The following GRIK2 variants were observed in gnomAD, a reference collection of about 807,000 sequenced individuals.
GRIK2 encodes glutamate ionotropic receptor kainate type subunit 2.
GRIK2 carries 32 observed loss-of-function variants against 100.3 expected under a neutral mutation model. The observed-to-expected ratio is 0.32, with a 90% confidence interval of 0.24 to 0.43. The LOEUF (loss-of-function observed/expected upper bound fraction) is 0.43, where lower values mean the gene tolerates loss of function less well. Ranked by LOEUF, GRIK2 falls within the 20% of genes least tolerant of loss-of-function variation. GRIK2 has a pLI of 1.00. For missense variants in GRIK2, 843 were observed against 1,114.9 expected (o/e 0.76, Z 3.47); for synonymous variants, 417 against 389.4 (o/e 1.07, Z -0.83).
chr6:101,798,876 C>T (rs1380375229), intron 7 of GRIK2, among the ~76,000 whole-genome samples: 1 of 152,104 alleles, frequency 6.6e-6, no homozygotes, highest in Non-Finnish European at 1.5e-5. Flanking sequence ...TTTTTATCAT[C>T]AACCTCCAAA....
intron 12 of GRIK2, among the ~76,000 whole-genome samples, chr6:101,909,381 T>TTTTTTTTTG (rs1562480959): frequency 7.3e-6 from 1 of 136,126 alleles, no homozygotes; most frequent in African/African-American, 2.9e-5. Flanking sequence ...GTTTTCTTTT[T>TTTTTTTTTG]CTTTTTTTTT....
intron 2 of GRIK2, among the ~76,000 whole-genome samples, chr6:101,516,282 C>A (rs1056536091): frequency 1.3e-5 from 2 of 152,054 alleles, no homozygotes. Context: ...ATAGCCAAAG[C>A]AAGACTAAGC....
chr6:101,435,026 G>A (rs942948237), intron 2 of GRIK2, among the ~76,000 whole-genome samples: 2 of 152,078 alleles, frequency 1.3e-5, no homozygotes, highest in Non-Finnish European at 2.9e-5. Flanking sequence ...GAAAATAATA[G>A]ATCACATAGT....
chr6:101,794,506 G>T lies in GRIK2; in HGVS notation c.952-5142G>T, dbSNP rs369128512. ...TTTTTGTTTGTTTTGTATATCGTTTGTTCCCTTCTTTCTCTCTTATTGTTT... is the reference window on the plus strand; with the variant it reads ...TTTTTGTTTGTTTTGTATATCGTTTTTTCCCTTCTTTCTCTCTTATTGTTT... On this transcript the variant is annotated intron_variant, in intron 7 of 16. Transcript: ENST00000369134. Among the ~76,000 whole-genome samples, 68 of 152,118 alleles carry T rather than the reference G, an allele frequency of 4.5e-4. 2 individuals are homozygous for T. In the South Asian group the frequency reaches 0.014, roughly 31 times the overall value.
intron 7 of GRIK2, among the ~76,000 whole-genome samples, chr6:101,692,421 T>C (rs1170567884): frequency 1.3e-5 from 2 of 152,124 alleles, no homozygotes; most frequent in African/African-American, 4.8e-5. Flanking sequence ...GCACACAGGA[T>C]TTGATACCAG....
intron 2 of GRIK2, among the ~76,000 whole-genome samples, chr6:101,442,230 A>C (rs1288033667): frequency 6.6e-6 from 1 of 152,142 alleles, no homozygotes; most frequent in Admixed American, 6.5e-5. Context: ...GCTCACAGAC[A>C]CTTTGAAGGG....
chr6:101,647,926 T>C (rs1781606235), intron 4 of GRIK2, among the ~76,000 whole-genome samples: 1 of 151,980 alleles, frequency 6.6e-6, no homozygotes, highest in South Asian at 2.1e-4. Flanking sequence ...TGGTGCTGTT[T>C]AGTTGAAGTC....
chr6:101,705,896 AAAC>A (rs1282839865), intron 7 of GRIK2, among the ~76,000 whole-genome samples: 1 of 151,964 alleles, frequency 6.6e-6, no homozygotes, highest in Non-Finnish European at 1.5e-5. Flanking sequence ...AACAATAAAA[AAAC>A]AAATCAGCAA....
chr6:101,493,930 A>G (rs1260787914), intron 2 of GRIK2, among the ~76,000 whole-genome samples: 4 of 143,590 alleles, frequency 2.8e-5, no homozygotes, highest in Non-Finnish European at 6.1e-5. Flanking sequence ...TATATTTTAT[A>G]TATAATATGT....
At position 101,818,351 on chromosome 6, in the gene GRIK2, T is replaced by C; in HGVS notation, c.1204-19T>C. 1.5e-6 allele frequency: 2 copies of C among 1,373,372 alleles called. No individual in the cohort carries two copies. Among genetic ancestry groups the C allele is most frequent in the South Asian group, 1.2e-5 (1 of 85,730 alleles). The allele number at this position is 1,373,372 out of a possible 1,614,324, so 85.1% of individuals were successfully genotyped here. ...CGTGCCTGATGGACAATTTACAAAGTACATATGCTATTTTATAGATTGGAA... is the reference window on the plus strand; with the variant it reads ...CGTGCCTGATGGACAATTTACAAAGCACATATGCTATTTTATAGATTGGAA... On this transcript the variant is annotated intron_variant, in intron 9 of 16. Coordinates refer to ENST00000369134, the MANE Select transcript of GRIK2 (RefSeq NM_021956.5).
intron 2 of GRIK2, among the ~76,000 whole-genome samples, chr6:101,463,042 G>A (rs1771418605): frequency 6.6e-6 from 1 of 152,120 alleles, no homozygotes; most frequent in South Asian, 2.1e-4. Flanking sequence ...TAAATCAATG[G>A]TTAGCCATCT....
At chr6:101,714,396 A>G (rs961076401) in intron 7 of GRIK2, among the ~76,000 whole-genome samples, 2 of 151,764 alleles carry the variant, frequency 1.3e-5, no homozygotes, top group African/African-American at 4.8e-5. Context: ...CCATGCTTCA[A>G]ATATATTGAT....
At chr6:101,415,461 C>G (rs544789278) in intron 2 of GRIK2, among the ~76,000 whole-genome samples, 11 of 150,480 alleles carry the variant, frequency 7.3e-5, no homozygotes, top group African/African-American at 1.5e-4. Context: ...AGCTCTGCCC[C>G]CTGGGTTCAC....
chr6:101,563,518 A>C (rs1777120949), intron 2 of GRIK2, among the ~76,000 whole-genome samples: 1 of 152,194 alleles, frequency 6.6e-6, no homozygotes, highest in Non-Finnish European at 1.5e-5. Context: ...GTACTTACAT[A>C]ATTAGAAAAA....
intron 4 of GRIK2, among the ~76,000 whole-genome samples, chr6:101,628,258 G>T (rs1780553522): frequency 6.6e-6 from 1 of 151,626 alleles, no homozygotes; most frequent in African/African-American, 2.4e-5. Flanking sequence ...AGGAAACTGG[G>T]AGCTACAGGA....
At chr6:102,057,694 AC>A (rs1771532297) in intron 16 of GRIK2, among the ~76,000 whole-genome samples, 1 of 151,752 alleles carries the variant, frequency 6.6e-6, no homozygotes, top group African/African-American at 2.4e-5. Context: ...AGCAGATGAG[AC>A]CCTTTCACAC....
intron 2 of GRIK2, among the ~76,000 whole-genome samples, chr6:101,428,292 T>A (rs993441658): frequency 6.6e-6 from 1 of 152,224 alleles, no homozygotes; most frequent in African/African-American, 2.4e-5. Flanking sequence ...TTTGATTTGT[T>A]AACATGCAGT....
intron 2 of GRIK2, among the ~76,000 whole-genome samples, chr6:101,467,561 G>A (rs1771711041): frequency 6.6e-6 from 1 of 152,132 alleles, no homozygotes; most frequent in Non-Finnish European, 1.5e-5. Flanking sequence ...ATTTTTAATA[G>A]CAAACCCAGA....
At chr6:102,064,188 A>AT (rs1771888913) in intron 16 of GRIK2, 1 of 490,530 alleles carries the variant, frequency 2.0e-6, no homozygotes. Context: ...CTAAATAGTG[A>AT]TTTTAAAAGC....
Sources: gnomAD v4.1 joint callset for allele counts (sites outside exome capture counted in the v4.1 genomes callset) on GRCh38, gnomAD v4.1.1 for gene constraint, MANE v1.5 for transcripts, NCBI Gene and HGNC (gene_info 2026-07-23, HGNC 2026-07-21) for gene names.